The following GLIS3 variants were observed in gnomAD, a reference collection of about 807,000 sequenced individuals.
GLIS3 encodes zinc finger protein GLIS3.
Under a neutral mutation model 78.6 loss-of-function variants are expected in GLIS3, and 53 were observed. The ratio of observed to expected loss-of-function variants is 0.67; its 90% confidence interval spans 0.54 to 0.85. The LOEUF (loss-of-function observed/expected upper bound fraction) is 0.85, where lower values mean the gene tolerates loss of function less well. Ranked by LOEUF, GLIS3 falls within the 40% of genes least tolerant of loss-of-function variation. The probability of loss-of-function intolerance (pLI) is 0.00; values close to 1 mark genes in which losing one functional copy is unlikely to be tolerated. For synonymous variants in GLIS3, 684 were observed against 509.9 expected (o/e 1.34, Z -4.60); for missense variants, 1,703 against 1,231.1 (o/e 1.38, Z -5.74).
chr9:3,932,754 T>C, intron 5 of GLIS3: 1 of 431,876 alleles, frequency 2.3e-6, no homozygotes, highest in Non-Finnish European at 4.5e-6. Flanking sequence ...GGGCATTTTT[T>C]AATGTGGAAA....
chr9:4,477,718 G>A, the GLIS3 span, among the ~76,000 whole-genome samples: 2 of 152,104 alleles, frequency 1.3e-5, no homozygotes, highest in South Asian at 4.1e-4. Flanking sequence ...CTGGCTAGAG[G>A]TTAGTGTTTA....
the GLIS3 span, among the ~76,000 whole-genome samples, chr9:4,372,612 T>G: frequency 6.6e-6 from 1 of 151,838 alleles, no homozygotes; most frequent in Non-Finnish European, 1.5e-5. Context: ...CTTAAGGAAT[T>G]TGCGTCAAAT....
At chr9:4,449,425 G>A in the GLIS3 span, among the ~76,000 whole-genome samples, 1 of 152,216 alleles carries the variant, frequency 6.6e-6, no homozygotes, top group Non-Finnish European at 1.5e-5. Flanking sequence ...AGAAACTTCT[G>A]CAGACTTAAA....
chr9:4,201,987 A>T (rs915522030), intron 2 of GLIS3, among the ~76,000 whole-genome samples: 1 of 151,942 alleles, frequency 6.6e-6, no homozygotes, highest in Non-Finnish European at 1.5e-5. Flanking sequence ...AAAATACAAA[A>T]AATTAGCCAG....
upstream of GLIS3, among the ~76,000 whole-genome samples, chr9:4,352,785 T>C (rs981544646): frequency 6.6e-6 from 1 of 152,340 alleles, no homozygotes; most frequent in East Asian, 1.9e-4. Flanking sequence ...AATACAGAAT[T>C]GGTCATAAAT....
chr9:4,158,568 T>C (rs1835217013), intron 2 of GLIS3, among the ~76,000 whole-genome samples: 1 of 152,226 alleles, frequency 6.6e-6, no homozygotes, highest in Admixed American at 6.5e-5. Context: ...ACAGAAGTTG[T>C]CAGACTTTTC....
chr9:4,145,762 C>A (rs1834178205), intron 2 of GLIS3, among the ~76,000 whole-genome samples: 1 of 151,940 alleles, frequency 6.6e-6, no homozygotes, highest in African/African-American at 2.4e-5. Flanking sequence ...CCCTCCCTCA[C>A]TTTCTCCCTT....
At chr9:3,850,747 C>T (rs1264637787) in intron 9 of GLIS3, among the ~76,000 whole-genome samples, 1 of 152,204 alleles carries the variant, frequency 6.6e-6, no homozygotes, top group Non-Finnish European at 1.5e-5. Context: ...TCCTCTACTC[C>T]ACACCTTAAC....
At chr9:3,912,536 GA>G (rs1383046864) in intron 6 of GLIS3, among the ~76,000 whole-genome samples, 1 of 152,168 alleles carries the variant, frequency 6.6e-6, no homozygotes, top group Admixed American at 6.5e-5. Flanking sequence ...TTGGGGAGCT[GA>G]GGTTCAAAAG....
At chr9:3,887,869 T>C (rs1822181652) in intron 7 of GLIS3, among the ~76,000 whole-genome samples, 2 of 152,142 alleles carry the variant, frequency 1.3e-5, no homozygotes, top group Non-Finnish European at 2.9e-5. Flanking sequence ...TCTATCAACT[T>C]CTCTGGGATG....
At chr9:4,238,545 A>C (rs1282803488) in intron 2 of GLIS3, among the ~76,000 whole-genome samples, 1 of 152,224 alleles carries the variant, frequency 6.6e-6, no homozygotes, top group African/African-American at 2.4e-5. Flanking sequence ...TGGCTACCTG[A>C]ACTCAGAAGG....
chr9:4,158,113 G>T (rs939989578), intron 2 of GLIS3, among the ~76,000 whole-genome samples: 1 of 151,984 alleles, frequency 6.6e-6, no homozygotes, highest in African/African-American at 2.4e-5. Flanking sequence ...TACAGTAGAG[G>T]GGAAAAAATC....
chr9:4,389,016 A>G, the GLIS3 span, among the ~76,000 whole-genome samples: 1 of 152,180 alleles, frequency 6.6e-6, no homozygotes, highest in Non-Finnish European at 1.5e-5. Context: ...TCTATATACA[A>G]AATCAAAGCA....
chr9:3,893,684 A>G (rs1371841693), intron 7 of GLIS3, among the ~76,000 whole-genome samples: 1 of 152,208 alleles, frequency 6.6e-6, no homozygotes, highest in Non-Finnish European at 1.5e-5. Flanking sequence ...TCAAAGGCTG[A>G]AAAACATTTG....
chr9:4,375,454 G>C, the GLIS3 span, among the ~76,000 whole-genome samples: 861 of 152,272 alleles, frequency 5.7e-3, 29 homozygotes, highest in Admixed American at 0.051. Flanking sequence ...ATAAATGTAA[G>C]GTTTCTTCTG....
chr9:4,487,497 G>A, the GLIS3 span, among the ~76,000 whole-genome samples: 3 of 152,014 alleles, frequency 2.0e-5, no homozygotes, highest in African/African-American at 4.8e-5. Context: ...GATAAGTGGT[G>A]GTGCTGGGAT....
chr9:4,180,451 T>G (rs1326179411), intron 2 of GLIS3, among the ~76,000 whole-genome samples: 2 of 152,178 alleles, frequency 1.3e-5, no homozygotes, highest in African/African-American at 4.8e-5. Flanking sequence ...TCAGCAAGGA[T>G]GCCCCCACAT....
At chr9:4,274,033 C>T (rs1826764887) in intron 2 of GLIS3, among the ~76,000 whole-genome samples, 1 of 152,180 alleles carries the variant, frequency 6.6e-6, no homozygotes, top group African/African-American at 2.4e-5. Flanking sequence ...GCCGAGTCTG[C>T]CCTTTGCCTA....
chr9:4,360,767 G>C, the GLIS3 span, among the ~76,000 whole-genome samples: 3 of 152,208 alleles, frequency 2.0e-5, no homozygotes, highest in African/African-American at 4.8e-5. Flanking sequence ...TGTTGAGTGT[G>C]TTGAGGCACA....
Sources: allele counts gnomAD v4.1 joint callset (sites outside exome capture counted in the v4.1 genomes callset), GRCh38; gene constraint gnomAD v4.1.1; transcripts MANE v1.5; gene names NCBI Gene and HGNC (gene_info 2026-07-23, HGNC 2026-07-21).